GRM7: variants seen among roughly 807,000 people sequenced by gnomAD.
The protein encoded by GRM7 is metabotropic glutamate receptor 7.
In GRM7, 35 loss-of-function variants were observed where a neutral mutation model predicts 84.5. The ratio of observed to expected loss-of-function variants is 0.41; its 90% CI spans 0.32 to 0.55. The LOEUF (loss-of-function observed/expected upper bound fraction) is 0.55, where lower values mean the gene tolerates loss of function less well. Ranked by LOEUF, GRM7 falls within the 20% of genes least tolerant of loss-of-function variation. The probability of loss-of-function intolerance (pLI) is 0.19; values close to 1 mark genes in which losing one functional copy is unlikely to be tolerated. For synonymous variants in GRM7, 487 were observed against 455.1 expected (o/e 1.07, Z -0.89); for missense variants, 1,003 against 1,194.6 (o/e 0.84, Z 2.36).
intron 4 of GRM7, among the ~76,000 whole-genome samples, chr3:7,354,937 C>T (rs1233833784): frequency 6.6e-6 from 1 of 152,178 alleles, no homozygotes; most frequent in Non-Finnish European, 1.5e-5. Context: ...AGCTCTCTGT[C>T]ATAGTCTAGT....
At chr3:7,278,586 C>T (rs934753763) in intron 2 of GRM7, among the ~76,000 whole-genome samples, 2 of 151,924 alleles carry the variant, frequency 1.3e-5, no homozygotes, top group Non-Finnish European at 1.5e-5. Context: ...ATTCATTGAT[C>T]TAAAAAATCT....
At chr3:7,250,920 T>C (rs9860580) in intron 2 of GRM7, among the ~76,000 whole-genome samples, 60,873 of 151,966 alleles carry the variant, frequency 0.4, 12,331 homozygotes, top group Middle Eastern at 0.53. Context: ...TGTTCACTTA[T>C]GAGTGCATTG....
intron 1 of GRM7, among the ~76,000 whole-genome samples, chr3:7,095,511 A>G (rs1404310149): frequency 2.6e-5 from 4 of 152,166 alleles, no homozygotes; most frequent in African/African-American, 4.8e-5. Context: ...TTGAGATTAC[A>G]TATTCCGGAG....
At chr3:7,221,054 A>G (rs1424952542) in intron 2 of GRM7, among the ~76,000 whole-genome samples, 1 of 152,114 alleles carries the variant, frequency 6.6e-6, no homozygotes, top group Admixed American at 6.5e-5. Context: ...CCGAGATCAC[A>G]CCACTGCACT....
At chr3:7,477,661 T>C (rs964216535) in intron 7 of GRM7, among the ~76,000 whole-genome samples, 2 of 152,188 alleles carry the variant, frequency 1.3e-5, no homozygotes, top group Non-Finnish European at 2.9e-5. Context: ...TTCTCTTTGA[T>C]GTGATCAACG....
chr3:6,964,426 G>C (rs936042261), intron 1 of GRM7, among the ~76,000 whole-genome samples: 1 of 152,162 alleles, frequency 6.6e-6, no homozygotes, highest in African/African-American at 2.4e-5. Context: ...ATTACGCATT[G>C]TGTAAGGACT....
chr3:7,517,914 C>T (rs372722176), intron 7 of GRM7, among the ~76,000 whole-genome samples: 4 of 152,176 alleles, frequency 2.6e-5, no homozygotes, highest in Admixed American at 6.5e-5. Context: ...ATATTTACAG[C>T]GGCTCAGGAC....
intron 2 of GRM7, among the ~76,000 whole-genome samples, chr3:7,186,465 A>C (rs1363322764): frequency 2.0e-5 from 3 of 152,228 alleles, no homozygotes; most frequent in Non-Finnish European, 4.4e-5. Flanking sequence ...GCTGGGAATA[A>C]AAAATTTGTT....
chr3:7,179,650 C>T (rs1695272463), intron 2 of GRM7, among the ~76,000 whole-genome samples: 1 of 152,202 alleles, frequency 6.6e-6, no homozygotes, highest in African/African-American at 2.4e-5. Flanking sequence ...TCCTGCCCTA[C>T]AGACACCTTG....
chr3:7,447,657 G>A (rs1041786436), intron 5 of GRM7, among the ~76,000 whole-genome samples: 28 of 151,890 alleles, frequency 1.8e-4, no homozygotes, highest in African/African-American at 6.5e-4. Context: ...TGGTGTGGGG[G>A]ATTTTTGACA....
At chr3:7,517,297 A>G (rs1422533083) in intron 7 of GRM7, among the ~76,000 whole-genome samples, 1 of 152,216 alleles carries the variant, frequency 6.6e-6, no homozygotes, top group Non-Finnish European at 1.5e-5. Flanking sequence ...AACATTTGTC[A>G]AACAGAAAAT....
chr3:7,633,447 A>G (rs373793551), intron 8 of GRM7, among the ~76,000 whole-genome samples: 1 of 152,260 alleles, frequency 6.6e-6, no homozygotes, highest in African/African-American at 2.4e-5. Flanking sequence ...AACCATTAAC[A>G]TACACTGCCG....
At chr3:7,664,406 T>C (rs1224285995) in intron 8 of GRM7, among the ~76,000 whole-genome samples, 17 of 152,218 alleles carry the variant, frequency 1.1e-4, no homozygotes, top group Admixed American at 1.1e-3. Context: ...CAATTCTTTA[T>C]GTCGGTAAAG....
intron 8 of GRM7, among the ~76,000 whole-genome samples, chr3:7,674,959 G>A (rs562570677): frequency 6.6e-6 from 1 of 152,288 alleles, no homozygotes; most frequent in South Asian, 2.1e-4. Context: ...GAAAACTACA[G>A]CTAACAGTGA....
intron 8 of GRM7, among the ~76,000 whole-genome samples, chr3:7,615,095 T>C (rs1201575807): frequency 1.3e-5 from 2 of 152,188 alleles, no homozygotes; most frequent in Non-Finnish European, 2.9e-5. Context: ...GAAAGTAATA[T>C]GCCTTTTTTT....
chr3:7,239,267 C>G (rs756516298), intron 2 of GRM7, among the ~76,000 whole-genome samples: 2 of 152,036 alleles, frequency 1.3e-5, no homozygotes, highest in Non-Finnish European at 2.9e-5. Context: ...TCCCAAAGTG[C>G]TAGGTTTATA....
chr3:7,352,733 G>A (rs1693216577), intron 4 of GRM7, among the ~76,000 whole-genome samples: 1 of 151,992 alleles, frequency 6.6e-6, no homozygotes, highest in Non-Finnish European at 1.5e-5. Context: ...TTTTGCCTGG[G>A]GAAGTGACTT....
At chr3:7,275,558 T>C (rs925749105) in intron 2 of GRM7, among the ~76,000 whole-genome samples, 3 of 152,156 alleles carry the variant, frequency 2.0e-5, no homozygotes, top group Admixed American at 1.3e-4. Context: ...AGAAGATGAC[T>C]AGCCTGAGCT....
chr3:7,734,722 T>C (rs1190928448), intron 9 of GRM7, among the ~76,000 whole-genome samples: 2 of 152,242 alleles, frequency 1.3e-5, no homozygotes, highest in Non-Finnish European at 2.9e-5. Context: ...CATTGTTTTA[T>C]AGTTCAGAAT....
Sources: gnomAD v4.1 joint callset for allele counts (sites outside exome capture counted in the v4.1 genomes callset) on GRCh38, gnomAD v4.1.1 for gene constraint, MANE v1.5 for transcripts, NCBI Gene and HGNC (gene_info 2026-07-23, HGNC 2026-07-21) for gene names.